Variants in RFX7 observed in about 807,000 individuals in gnomAD.
RFX7 encodes DNA-binding protein RFX7.
RFX7 carries 26 observed loss-of-function variants against 111.8 expected under a neutral mutation model. The ratio of observed to expected loss-of-function variants is 0.23; its 90% CI spans 0.17 to 0.32. The LOEUF is 0.32. Among genes scored for constraint, RFX7 ranks in the 10% least tolerant of loss-of-function variants. RFX7 has a pLI of 1.00. For missense variants in RFX7, 1,573 were observed against 1,772.9 expected, an observed-to-expected ratio of 0.89 and a Z score of 2.02; for synonymous variants, 624 against 624.4, an observed-to-expected ratio of 1.00 and a Z score of 0.01.
At chr15:56,124,641 C>T (rs1455636725) in intron 5 of RFX7, among the ~76,000 whole-genome samples, 2 of 152,174 alleles carry the variant, frequency 1.3e-5, no homozygotes, top group Non-Finnish European at 2.9e-5. Context: ...GTACCTATGG[C>T]CATTTGTACA....
At chr15:56,163,663 C>A (rs1438515867) in intron 3 of RFX7, among the ~76,000 whole-genome samples, 2 of 152,104 alleles carry the variant, frequency 1.3e-5, no homozygotes, top group Non-Finnish European at 2.9e-5. Flanking sequence ...GATGGTCTCA[C>A]AGGAAAGTGA....
At chr15:56,155,603 G>A (rs1226859425) in intron 3 of RFX7, among the ~76,000 whole-genome samples, 1 of 152,136 alleles carries the variant, frequency 6.6e-6, no homozygotes, top group Non-Finnish European at 1.5e-5. Flanking sequence ...ATCACACACT[G>A]GGGCCCGTCG....
Position 56,210,387 on chromosome 15 carries a change from C to T in RFX7, c.162-31084G>A, listed in dbSNP as rs144336910. ...GAAGAGTTCTGAAGAGTTCAATATCCCTCTATCTGAAATGAACAGGTCCAA... is the reference window on the plus strand; with the variant it reads ...GAAGAGTTCTGAAGAGTTCAATATCTCTCTATCTGAAATGAACAGGTCCAA... On this transcript the variant is annotated intron_variant, in intron 2 of 9. Transcript: ENST00000559447. 2.0e-3 allele frequency among the ~76,000 whole-genome samples: 310 copies of T among 151,940 alleles called. 2 individuals carry two copies. Among genetic ancestry groups the T allele is most frequent in the African/African-American group, 7.2e-3 (298 of 41,466 alleles).
rs11336124 is a variant in RFX7, at chr15:56,103,129, A to ATTT, written c.518+422_518+424dup. On this transcript the variant is annotated intron_variant, in intron 6 of 9. Transcript: ENST00000559447. ...AGTGTTTCTGTTAAAGTTCCATAAG[A>ATTT]TTTTTTTTTTTTTTTTTTTTTTTTG... 4.9e-3 allele frequency among the ~76,000 whole-genome samples: 460 copies of ATTT among 94,436 alleles called. 9 individuals are homozygous for ATTT. Among genetic ancestry groups the ATTT allele is most frequent in the African/African-American group, 0.015 (375 of 25,648 alleles). The allele number at this position is 94,436 out of a possible 152,430, so 62.0% of individuals were successfully genotyped here. A position where few individuals can be genotyped will look rare whatever the true frequency, so the allele number is the denominator to read the frequency against.
intron 5 of RFX7, among the ~76,000 whole-genome samples, chr15:56,108,823 T>C (rs2041866157): frequency 6.6e-6 from 1 of 152,186 alleles, no homozygotes. Flanking sequence ...AAAAACTCTT[T>C]AAACTGATAA....
intron 3 of RFX7, among the ~76,000 whole-genome samples, chr15:56,174,009 C>T (rs1158020533): frequency 6.6e-6 from 1 of 151,916 alleles, no homozygotes; most frequent in African/African-American, 2.4e-5. Flanking sequence ...AGTGGAATTT[C>T]GCTCACACCT....
rs748396275 is a variant in RFX7, at chr15:56,095,287, T to C, written c.2441A>G (p.Asn814Ser). 41 of 1,613,864 alleles carry C rather than the reference T, an allele frequency of 2.5e-5. No homozygotes were observed. The highest frequency in any genetic ancestry group is 3.1e-5 in the Non-Finnish European group (36 of 1,179,870). The change falls in exon 10 of 10, where the codon AAT (asparagine) becomes AGT (serine). Residue 814 changes from asparagine (N) to serine (S), a missense_variant. By Grantham distance (46) the Asn-to-Ser change is conservative. Coordinates refer to ENST00000559447, the MANE Select transcript of RFX7 (RefSeq NM_022841.7). Reference protein sequence around the residue: ...VMTIPEHSDINDLEKSVWELE... With the variant: ...VMTIPEHSDISDLEKSVWELE... Reference sequence around the variant, plus strand: ...TTCCCAAACAGATTTCTCTAAGTCATTGATATCAGAGTGCTCAGGAATTGT... The same window carrying C: ...TTCCCAAACAGATTTCTCTAAGTCACTGATATCAGAGTGCTCAGGAATTGT...
chr15:56,135,958 G>C (rs1239868948), intron 5 of RFX7, among the ~76,000 whole-genome samples: 3 of 152,082 alleles, frequency 2.0e-5, no homozygotes, highest in South Asian at 2.1e-4. Context: ...GGGCTCTGTT[G>C]TGTTCCATTG....
chr15:56,096,066 C>T lies in RFX7; in HGVS notation c.1662G>A (p.Glu554=). The change falls in exon 10 of 10, where the codon GAG becomes GAA. Residue 554 remains glutamate, a synonymous_variant. Coordinates refer to ENST00000559447, the MANE Select transcript of RFX7 (RefSeq NM_022841.7). ...SSDEHPVQCQ[E]NSDEAKAPQT... Reference sequence around the variant, plus strand: ...GGGGAGCTTTAGCCTCATCAGAGTTCTCTTGGCACTGTACAGGATGCTCAT... The same window carrying T: ...GGGGAGCTTTAGCCTCATCAGAGTTTTCTTGGCACTGTACAGGATGCTCAT... 6.2e-7 allele frequency: 1 copy of T among 1,613,502 alleles called. No individual in the cohort carries two copies. Among genetic ancestry groups the T allele is most frequent in the Non-Finnish European group, 8.5e-7 (1 of 1,179,704 alleles).
Position 56,093,822 on chromosome 15 carries a change from G to T in RFX7, c.3906C>A (p.Ile1302=), listed in dbSNP as rs759209409. 2 of 1,613,852 alleles carry T rather than the reference G, an allele frequency of 1.2e-6. No individual in the cohort carries two copies. Among genetic ancestry groups the T allele is most frequent in the South Asian group, 1.1e-5 (1 of 91,052 alleles). Residue 1302 remains isoleucine, a synonymous_variant, in exon 10 of 10, where the codon ATC becomes ATA. Transcript: ENST00000559447. ...VFPSANPQNM[I]DSSTSVYEFQ... ...ACTCATAAACAGAAGTGCTGGAATCGATCATATTTTGTGGGTTGGCACTAG... is the reference window on the plus strand; with the variant it reads ...ACTCATAAACAGAAGTGCTGGAATCTATCATATTTTGTGGGTTGGCACTAG...
chr15:56,150,096 A>C (rs1249217263), intron 3 of RFX7, among the ~76,000 whole-genome samples: 1 of 152,068 alleles, frequency 6.6e-6, no homozygotes, highest in Non-Finnish European at 1.5e-5. Context: ...CAGCCACAGG[A>C]TAAACAAAGC....
At chr15:56,110,257 GGA>G in intron 5 of RFX7, among the ~76,000 whole-genome samples, 2 of 101,822 alleles carry the variant, frequency 2.0e-5, no homozygotes, top group African/African-American at 7.0e-5. Context: ...GCCCCGTCCG[GGA>G]GGGAGGTGGG....
At chr15:56,130,045 A>C (rs1338424866) in intron 5 of RFX7, among the ~76,000 whole-genome samples, 3 of 152,340 alleles carry the variant, frequency 2.0e-5, no homozygotes, top group African/African-American at 4.8e-5. Context: ...CAAAATCATG[A>C]AACTTTTGTG....
At chr15:56,110,161 G>A (rs1263765267) in intron 5 of RFX7, among the ~76,000 whole-genome samples, 8 of 130,038 alleles carry the variant, frequency 6.2e-5, no homozygotes, top group East Asian at 5.0e-4. Context: ...CCCCCCGCCT[G>A]GCCAGCCGCC....
intron 3 of RFX7, among the ~76,000 whole-genome samples, chr15:56,149,127 C>A (rs181959022): frequency 6.6e-6 from 1 of 151,616 alleles, no homozygotes; most frequent in Admixed American, 6.6e-5. Flanking sequence ...CATCCCATTT[C>A]CCCCTCTGTG....
intron 3 of RFX7, among the ~76,000 whole-genome samples, chr15:56,154,178 A>C (rs2042617348): frequency 6.6e-6 from 1 of 152,334 alleles, no homozygotes; most frequent in African/African-American, 2.4e-5. Flanking sequence ...GATAGGAAGA[A>C]TCAATATCAT....
intron 3 of RFX7, among the ~76,000 whole-genome samples, chr15:56,155,428 A>T (rs1038648946): frequency 6.6e-6 from 1 of 152,204 alleles, no homozygotes; most frequent in Non-Finnish European, 1.5e-5. Flanking sequence ...GGAATACTAT[A>T]CAGCCATAAA....
intron 2 of RFX7, among the ~76,000 whole-genome samples, chr15:56,222,706 T>G (rs1380204858): frequency 1.3e-5 from 2 of 152,222 alleles, no homozygotes; most frequent in Admixed American, 6.5e-5. Flanking sequence ...TATCTGTGCA[T>G]GGATACTGTT....
At chr15:56,205,674 T>C (rs576271699) in intron 2 of RFX7, among the ~76,000 whole-genome samples, 4 of 152,234 alleles carry the variant, frequency 2.6e-5, no homozygotes, top group Non-Finnish European at 4.4e-5. Flanking sequence ...ATTCATTTTA[T>C]GAAGCTAGTC....
Sources: gnomAD v4.1 joint callset for allele counts (sites outside exome capture counted in the v4.1 genomes callset) on GRCh38, gnomAD v4.1.1 for gene constraint, MANE v1.5 for transcripts, NCBI Gene and HGNC (gene_info 2026-07-23, HGNC 2026-07-21) for gene names.